The following KIF26A variants were observed in gnomAD, a reference collection of about 807,000 sequenced individuals.
The protein encoded by KIF26A is kinesin family member 26A.
Under a neutral mutation model 126.0 loss-of-function variants are expected in KIF26A, and 74 were observed. The ratio of observed to expected loss-of-function variants is 0.59; its 90% CI spans 0.49 to 0.71. The LOEUF (loss-of-function observed/expected upper bound fraction) is 0.71, where lower values mean the gene tolerates loss of function less well. Ranked by LOEUF, KIF26A falls within the 30% of genes least tolerant of loss-of-function variation. The pLI, the probability that KIF26A is intolerant of heterozygous loss-of-function variation, is 0.00. For synonymous variants in KIF26A, 1,445 were observed against 1,232.7 expected, an observed-to-expected ratio of 1.17 and a Z score of -3.61; for missense variants, 2,984 against 2,763.3, an observed-to-expected ratio of 1.08 and a Z score of -1.79.
Position 104,171,840 on chromosome 14 carries a change from G to C in KIF26A, c.1231G>C (p.Gly411Arg), listed in dbSNP as rs375034353. 5.7e-5 allele frequency: 88 copies of C among 1,556,392 alleles called. No homozygotes were observed. The African/African-American group carries it at 1.1e-3, about 19-fold the overall frequency. ...KQVILYDPAAGPPGSAGPRRA... is the reference protein window; with the variant it reads ...KQVILYDPAARPPGSAGPRRA... ...GGTGATCCTCTACGATCCCGCCGCCGGTCCCCCAGGCAGCGCAGGCCCCCG... is the reference window on the plus strand; with the variant it reads ...GGTGATCCTCTACGATCCCGCCGCCCGTCCCCCAGGCAGCGCAGGCCCCCG... The change falls in exon 6 of 15, where the codon GGT becomes CGT. Residue 411 changes from glycine (G) to arginine (R), a missense_variant. Gly to Arg is a moderately radical substitution (Grantham distance 125, BLOSUM62 -2). Transcript: ENST00000423312.
rs890071021 is a variant in KIF26A at position 104,170,779 on chromosome 14, G to A, written c.1114-944G>A. ...CCCTGCTGTGGATGGGTTTCGGAGTGTTTGCAGTGATTGCTCTGGGCTCCG... is the reference window on the plus strand; with the variant it reads ...CCCTGCTGTGGATGGGTTTCGGAGTATTTGCAGTGATTGCTCTGGGCTCCG... On this transcript the variant is annotated intron_variant, in intron 5 of 14. Coordinates refer to ENST00000423312, the MANE Select transcript of KIF26A (RefSeq NM_015656.2). 1.3e-5 allele frequency among the ~76,000 whole-genome samples: 2 copies of A among 152,276 alleles called. 1 individual carries two copies. The highest frequency in any genetic ancestry group is 4.1e-4 in the South Asian group (2 of 4,836).
chr14:104,157,981 G>A, intron 4 of KIF26A, 39 bp downstream of exon 4: 5 of 1,459,434 alleles, frequency 3.4e-6, no homozygotes, highest in South Asian at 2.9e-5. Flanking sequence ...TGTGGGCAGG[G>A]CCCCATGGCC....
intron 3 of KIF26A, among the ~76,000 whole-genome samples, chr14:104,155,910 C>T (rs1179707098): frequency 6.6e-6 from 1 of 152,214 alleles, no homozygotes; most frequent in Non-Finnish European, 1.5e-5. Flanking sequence ...TCTGTCCCTG[C>T]TGCAGCCCCT....
At chr14:104,164,929 CTA>C (rs2037869539) in intron 4 of KIF26A, among the ~76,000 whole-genome samples, 1 of 150,964 alleles carries the variant, frequency 6.6e-6, no homozygotes, top group Non-Finnish European at 1.5e-5. Context: ...GTGTGTGTCT[CTA>C]TGTCTCTCCG....
chr14:104,141,959 G>A (rs1199525580), intron 2 of KIF26A, among the ~76,000 whole-genome samples: 1 of 152,180 alleles, frequency 6.6e-6, no homozygotes, highest in Non-Finnish European at 1.5e-5. Flanking sequence ...CTCTCACCTT[G>A]GCAGCTGCTG....
At chr14:104,147,373 G>A (rs888043139) in intron 2 of KIF26A, among the ~76,000 whole-genome samples, 2 of 152,210 alleles carry the variant, frequency 1.3e-5, no homozygotes, top group Admixed American at 6.5e-5. Flanking sequence ...ATGGCGTGCC[G>A]GCCAGTGCTG....
rs753938171 is a variant in KIF26A, at chr14:104,173,365, C to G, written c.1719C>G (p.Ala573=). The G allele has an allele frequency of 6.3e-7, 1 of 1,597,796 alleles. No individual in the cohort carries two copies. The highest frequency in any genetic ancestry group is 1.1e-5 in the South Asian group (1 of 88,914). ...AAAGCGAGCTGCGGGCACCCACGGC[C>G]GAGAAGGCGGCTTTCTACCTGGATG... ...QNQSELRAPT[A]EKAAFYLDAA... The change falls in exon 9 of 15, where the codon GCC becomes GCG. Residue 573 remains alanine (A), a synonymous_variant. Coordinates refer to ENST00000423312, the MANE Select transcript of KIF26A (RefSeq NM_015656.2).
Position 104,173,882 on chromosome 14 carries a change from C to G in KIF26A, c.2030+14C>G, listed in dbSNP as rs750157454. 3.8e-6 allele frequency: 6 copies of G among 1,566,490 alleles called. No individual in the cohort carries two copies. Among genetic ancestry groups the G allele is most frequent in the Admixed American group, 1.8e-5 (1 of 57,012 alleles). On this transcript the variant is annotated intron_variant, in intron 10 of 14. Coordinates refer to ENST00000423312, the MANE Select transcript of KIF26A (RefSeq NM_015656.2). ...TGTGCCGTATCGGTGAGTGTAGGGC[C>G]TGGGCAGGTGCCGACCAGGGTGGCC... is the stretch of plus-strand genomic sequence containing the variant.
intron 2 of KIF26A, among the ~76,000 whole-genome samples, chr14:104,143,992 G>A (rs2037659682): frequency 6.6e-6 from 1 of 152,244 alleles, no homozygotes; most frequent in African/African-American, 2.4e-5. Context: ...GTTACTGTTG[G>A]GGAGGGAGCC....
At chr14:104,153,052 G>C (rs1396821944) in intron 3 of KIF26A, among the ~76,000 whole-genome samples, 1 of 152,164 alleles carries the variant, frequency 6.6e-6, no homozygotes, top group Non-Finnish European at 1.5e-5. Context: ...TGGTCTCCAG[G>C]CCTGGTGGTG....
rs564458675 is a variant in KIF26A at position 104,155,392 on chromosome 14, G to A, written c.736-2363G>A. Among the ~76,000 whole-genome samples the A allele has an allele frequency of 4.6e-5, 7 of 152,318 alleles. No individual in the cohort carries two copies. The South Asian group carries it at 1.2e-3, about 27-fold the overall frequency. On this transcript the variant is annotated intron_variant, in intron 3 of 14. Coordinates refer to ENST00000423312, the MANE Select transcript of KIF26A (RefSeq NM_015656.2). ...GGCCGCCTGGTGCCTGCTGTGGTTA[G>A]GAAGCTCCCCGTGGGGTGGGTCCCG...
Position 104,171,765 on chromosome 14 carries a change from C to T in KIF26A, c.1156C>T (p.Arg386Cys), listed in dbSNP as rs1397028844. The change falls in exon 6 of 15, where the codon CGC becomes TGC. Residue 386 changes from arginine to cysteine, a missense_variant. By Grantham distance (180) the Arg-to-Cys change is radical. Coordinates refer to ENST00000423312, the MANE Select transcript of KIF26A (RefSeq NM_015656.2). ...GATCTGGCCCGCACAGGGGGCCCAGCGCTCGGCCGAGGCCATGTCCTTCCT... is the reference window on the plus strand; with the variant it reads ...GATCTGGCCCGCACAGGGGGCCCAGTGCTCGGCCGAGGCCATGTCCTTCCT... ...LRIWPAQGAQ[R>C]SAEAMSFLKV... is the part of the protein sequence containing the mutation. 9 of 1,580,374 alleles carry T rather than the reference C, an allele frequency of 5.7e-6. No homozygotes were observed. The African/African-American group carries it at 8.1e-5, about 14-fold the overall frequency.
rs2141119568 is a variant in KIF26A at position 104,176,757 on chromosome 14, A to G, written c.3969A>G (p.Gly1323=). 1 of 1,585,152 alleles carries G rather than the reference A, an allele frequency of 6.3e-7. No homozygotes were observed. ...TGACAACGCCAGCTGTGTCCTGGGG[A>G]GATGCTCCCACGGAGGTGGTGGCCT... ...LGVTTPAVSW[G]DAPTEVVACS... The change falls in exon 12 of 15, where the codon GGA becomes GGG. Residue 1323 remains glycine, a synonymous_variant. Coordinates refer to ENST00000423312, the MANE Select transcript of KIF26A (RefSeq NM_015656.2).
At position 104,172,664 on chromosome 14, in the gene KIF26A, C is replaced by T; in HGVS notation, c.1416C>T (p.Ser472=). 4 of 1,610,926 alleles carry T rather than the reference C, an allele frequency of 2.5e-6. No individual in the cohort carries two copies. The highest frequency in any genetic ancestry group is 3.4e-6 in the Non-Finnish European group (4 of 1,177,974). ...DGCIFSFGHM[S]LGKSYTMIGK... Reference sequence around the variant, plus strand: ...GCATTTTTTCCTTTGGCCACATGAGCCTGGGTAAGCACCCTTGCCCCACCC... The same window carrying T: ...GCATTTTTTCCTTTGGCCACATGAGTCTGGGTAAGCACCCTTGCCCCACCC... The change falls in exon 7 of 15, where the codon AGC becomes AGT. Residue 472 remains serine, a synonymous_variant. Transcript: ENST00000423312.
chr14:104,156,735 C>T (rs910806811), intron 3 of KIF26A, among the ~76,000 whole-genome samples: 14 of 152,178 alleles, frequency 9.2e-5, no homozygotes, highest in African/African-American at 3.1e-4. Context: ...GTTCTGCTGA[C>T]GTGCCGTGCC....
intron 2 of KIF26A, among the ~76,000 whole-genome samples, chr14:104,150,142 C>A (rs1234195842): frequency 7.8e-6 from 1 of 128,362 alleles, no homozygotes; most frequent in Non-Finnish European, 1.7e-5. Context: ...CCCCGTCCCC[C>A]TCCCCCTCCT....
At position 104,139,059 on chromosome 14, in the gene KIF26A, C is replaced by G. The variant is rs1438336970; in HGVS notation, c.59C>G (p.Pro20Arg). The G allele has an allele frequency of 2.2e-6, 3 of 1,376,342 alleles. No homozygotes were observed. Among genetic ancestry groups the G allele is most frequent in the African/African-American group, 3.1e-5 (2 of 65,234 alleles). 85.3% of individuals were successfully genotyped at this position (1,376,342 alleles called of 1,614,324 possible). A position where few individuals can be genotyped will look rare whatever the true frequency, so the allele number is the denominator to read the frequency against. The change falls in exon 2 of 15, where the codon CCG (proline) becomes CGG (arginine). Residue 20 changes from proline (P) to arginine (R), a missense_variant. Pro to Arg is a moderately radical substitution (Grantham distance 103). Transcript: ENST00000423312. ...AAQPAVAEGG[P>R]AREPPPLLEV... ...ACCCTGCAGGTGGCCGAGGGCGGCC[C>G]GGCCCGCGAGCCGCCGCCGCTGCTG...
At chr14:104,165,798 C>T (rs77449573) in intron 4 of KIF26A, among the ~76,000 whole-genome samples, 12 of 139,932 alleles carry the variant, frequency 8.6e-5, no homozygotes, top group Admixed American at 4.3e-4. Flanking sequence ...TCTCTGTGTG[C>T]ATATGTGTGT....
chr14:104,163,271 G>T (rs534624151), intron 4 of KIF26A, among the ~76,000 whole-genome samples: 2 of 152,168 alleles, frequency 1.3e-5, no homozygotes, highest in Non-Finnish European at 2.9e-5. Flanking sequence ...CTCCCTGCCC[G>T]CTATGGGGGC....
Sources: gnomAD v4.1 joint callset for allele counts (sites outside exome capture counted in the v4.1 genomes callset) on GRCh38, gnomAD v4.1.1 for gene constraint, MANE v1.5 for transcripts, NCBI Gene and HGNC (gene_info 2026-07-23, HGNC 2026-07-21) for gene names.